The following PLPPR5 variants were observed in gnomAD, a reference collection of about 807,000 sequenced individuals.
The protein encoded by PLPPR5 is phospholipid phosphatase related 5.
A neutral mutation model predicts 33.9 loss-of-function variants in PLPPR5; 16 were observed. The ratio of observed to expected loss-of-function variants is 0.47; its 90% CI spans 0.32 to 0.72. The LOEUF (loss-of-function observed/expected upper bound fraction) is 0.72. PLPPR5 is among the 30% of genes least tolerant of loss of function. The pLI is 0.03. For missense variants in PLPPR5, 301 were observed against 406.7 expected, an observed-to-expected ratio of 0.74 and a Z score of 2.23; for synonymous variants, 163 against 150.3, an observed-to-expected ratio of 1.08 and a Z score of -0.62.
intron 1 of PLPPR5, among the ~76,000 whole-genome samples, chr1:98,994,829 G>C (rs1652575131): frequency 6.6e-6 from 1 of 151,994 alleles, no homozygotes; most frequent in Non-Finnish European, 1.5e-5. Flanking sequence ...CATGATGAAT[G>C]CTAAAGATGA....
chr1:98,939,782 G>T (rs1650306790), intron 3 of PLPPR5, among the ~76,000 whole-genome samples: 1 of 151,874 alleles, frequency 6.6e-6, no homozygotes, highest in Non-Finnish European at 1.5e-5. Context: ...CCTTCCTGTT[G>T]TCTGGTCTTG....
intron 3 of PLPPR5, among the ~76,000 whole-genome samples, chr1:98,930,988 C>T (rs1022987171): frequency 6.6e-6 from 1 of 152,104 alleles, no homozygotes; most frequent in African/African-American, 2.4e-5. Flanking sequence ...TTCTACCATT[C>T]ACAACAAAAA....
In PLPPR5 at chr1:98,922,081, T is replaced by A. The variant is rs200589985; in HGVS notation, c.622-23A>T. On this transcript the variant is annotated intron_variant, in intron 3 of 5. Coordinates refer to ENST00000263177, the MANE Select transcript of PLPPR5 (RefSeq NM_001037317.2). ...CATCTGAAACATTCAATAAAAAAAA[T>A]GACTTTTCATGAAGGTATTTCCTTT... 1,899 of 1,194,486 alleles carry A rather than the reference T, an allele frequency of 1.6e-3. 27 individuals carry two copies. In the Admixed American group the frequency reaches 0.03, roughly 19 times the overall value. The allele number at this position is 1,194,486 out of a possible 1,614,324, so 74.0% of individuals were successfully genotyped here. A position where few individuals can be genotyped will look rare whatever the true frequency, so the allele number is the denominator to read the frequency against.
intron 1 of PLPPR5, chr1:98,991,300 T>C (rs1652443340): frequency 6.6e-6 from 1 of 151,724 alleles, no homozygotes; most frequent in Admixed American, 6.6e-5. Context: ...AAGATGAATC[T>C]ACTCTAAGGA....
intron 5 of PLPPR5, among the ~76,000 whole-genome samples, chr1:98,897,778 T>A: frequency 6.6e-6 from 1 of 152,120 alleles, no homozygotes; most frequent in East Asian, 1.9e-4. Context: ...CAATTTAACC[T>A]TTCACAGACC....
chr1:98,955,741 T>C (rs1318736858), intron 2 of PLPPR5, among the ~76,000 whole-genome samples: 3 of 152,046 alleles, frequency 2.0e-5, no homozygotes, highest in Non-Finnish European at 2.9e-5. Context: ...TGTGGAAGAG[T>C]TCCCTTCAAT....
intron 1 of PLPPR5, among the ~76,000 whole-genome samples, chr1:98,997,327 AAGCCCAGGCAAT>A (rs142475406): frequency 0.075 from 11,413 of 152,214 alleles, 520 homozygotes; most frequent in East Asian, 0.25. Flanking sequence ...CTTACTTTAG[AAGCCCAGGCAAT>A]AGCACTATAC....
chr1:98,994,155 C>T (rs939739102), intron 1 of PLPPR5, among the ~76,000 whole-genome samples: 1 of 148,874 alleles, frequency 6.7e-6, no homozygotes, highest in African/African-American at 2.5e-5. Flanking sequence ...AAGGTGCTCA[C>T]CAAATATTTG....
chr1:98,928,991 G>GT (rs1355325233), intron 3 of PLPPR5, among the ~76,000 whole-genome samples: 1 of 151,976 alleles, frequency 6.6e-6, no homozygotes, highest in Non-Finnish European at 1.5e-5. Flanking sequence ...AAGTTAACCA[G>GT]TTGTTTTGTA....
At chr1:98,962,374 T>C (rs1473811832) in intron 1 of PLPPR5, among the ~76,000 whole-genome samples, 1 of 152,206 alleles carries the variant, frequency 6.6e-6, no homozygotes, top group Non-Finnish European at 1.5e-5. Context: ...TACACTACAT[T>C]CTTATTAACT....
intron 5 of PLPPR5, among the ~76,000 whole-genome samples, chr1:98,910,603 A>ATGATAATTATCTGCCCAATTAT (rs1649082447): frequency 6.6e-6 from 1 of 152,240 alleles, no homozygotes; most frequent in African/African-American, 2.4e-5. Context: ...AAAAACAAGC[A>ATGATAATTATCTGCCCAATTAT]TGATAATTAT....
intron 1 of PLPPR5, among the ~76,000 whole-genome samples, chr1:98,996,447 T>G (rs1427017112): frequency 6.6e-6 from 1 of 152,146 alleles, no homozygotes; most frequent in Non-Finnish European, 1.5e-5. Context: ...CAGTGATTCT[T>G]AAACTACATC....
intron 1 of PLPPR5, among the ~76,000 whole-genome samples, chr1:98,974,252 A>G (rs1428222884): frequency 2.6e-5 from 4 of 152,072 alleles, no homozygotes; most frequent in Non-Finnish European, 5.9e-5. Flanking sequence ...GTCCTCGATC[A>G]GCCACATTCA....
intron 1 of PLPPR5, among the ~76,000 whole-genome samples, chr1:98,979,685 A>G (rs1461384785): frequency 1.3e-5 from 2 of 151,982 alleles, no homozygotes; most frequent in South Asian, 2.1e-4. Flanking sequence ...CTGGCCTCCA[A>G]CTGCTGGTAA....
At chr1:98,973,339 G>A (rs78216576) in intron 1 of PLPPR5, among the ~76,000 whole-genome samples, 2 of 126,128 alleles carry the variant, frequency 1.6e-5, no homozygotes, top group Admixed American at 8.1e-5. Context: ...AGAGAATACC[G>A]TAAATGTAGG....
At chr1:98,981,941 C>A (rs562707533) in intron 1 of PLPPR5, among the ~76,000 whole-genome samples, 12 of 152,214 alleles carry the variant, frequency 7.9e-5, no homozygotes, top group African/African-American at 2.9e-4. Context: ...CCAAGCAGCA[C>A]CGAATCTTCC....
chr1:98,892,837 C>G lies in PLPPR5; in HGVS notation c.*235G>C, dbSNP rs1161859008. On this transcript the variant is annotated 3_prime_UTR_variant, in exon 6 of 6. Coordinates refer to ENST00000263177, the MANE Select transcript of PLPPR5 (RefSeq NM_001037317.2). ...TCATCACATTTTTGTTGAACACCTA[C>G]TTTGTGCTAGGCTTTGTTGTAAGTG... 2.5e-6 allele frequency: 1 copy of G among 401,612 alleles called. No homozygotes were observed. The highest frequency in any genetic ancestry group is 4.4e-6 in the Non-Finnish European group (1 of 226,866). 24.9% of individuals were successfully genotyped at this position (401,612 alleles called of 1,614,324 possible).
chr1:98,909,113 A>G (rs112874707), intron 5 of PLPPR5, among the ~76,000 whole-genome samples: 3,195 of 152,158 alleles, frequency 0.021, 37 homozygotes, highest in African/African-American at 0.028. Flanking sequence ...AAGGAGGGAC[A>G]GAGGGAGGAA....
rs752584102 is a variant in PLPPR5 at position 98,893,133 on chromosome 1, G to A, written c.934-29C>T. 1.3e-5 allele frequency: 21 copies of A among 1,606,550 alleles called. No homozygotes were observed. In the East Asian group the frequency reaches 4.0e-4, roughly 31 times the overall value. ...CAAAAAGAAAAAGGAATGACAAAGT[G>A]AGAGGCTTGGGAACATTAGCTTTGT... On this transcript the variant is annotated intron_variant, in intron 5 of 5. Coordinates refer to ENST00000263177, the MANE Select transcript of PLPPR5 (RefSeq NM_001037317.2).
Sources: gnomAD v4.1 joint callset for allele counts (sites outside exome capture counted in the v4.1 genomes callset) on GRCh38, gnomAD v4.1.1 for gene constraint, MANE v1.5 for transcripts, NCBI Gene and HGNC (gene_info 2026-07-23, HGNC 2026-07-21) for gene names.